The following SGCZ variants were observed in gnomAD, a reference collection of about 807,000 sequenced individuals.
SGCZ encodes the protein sarcoglycan zeta, also known as zeta-sarcoglycan.
Under a neutral mutation model 41.3 loss-of-function variants are expected in SGCZ, and 40 were observed. The observed-to-expected ratio is 0.97, with a 90% CI of 0.75 to 1.26. The LOEUF (loss-of-function observed/expected upper bound fraction) is 1.26. Among genes scored for constraint, SGCZ ranks in the 50% most tolerant of loss-of-function variants. SGCZ has a pLI of 0.00. For missense variants in SGCZ, 552 were observed against 369.8 expected (o/e 1.49, Z -4.04); for synonymous variants, 206 against 137.5 (o/e 1.50, Z -3.49).
At chr8:15,188,880 T>A (rs1230106840) in intron 1 of SGCZ, among the ~76,000 whole-genome samples, 1 of 151,916 alleles carries the variant, frequency 6.6e-6, no homozygotes, top group East Asian at 1.9e-4. Flanking sequence ...GAAAAGAGTG[T>A]GGGAGGAAAA....
chr8:14,525,743 T>A (rs1802928268), intron 2 of SGCZ, among the ~76,000 whole-genome samples: 1 of 152,120 alleles, frequency 6.6e-6, no homozygotes, highest in Non-Finnish European at 1.5e-5. Context: ...GTTAAGCAGA[T>A]CAATCACTGT....
chr8:15,051,869 G>C (rs1317062650), intron 1 of SGCZ, among the ~76,000 whole-genome samples: 1 of 152,186 alleles, frequency 6.6e-6, no homozygotes, highest in Non-Finnish European at 1.5e-5. Context: ...ATTTGAGCTG[G>C]AAGGATAGGA....
At chr8:14,100,682 C>A (rs910976040) in intron 7 of SGCZ, among the ~76,000 whole-genome samples, 4 of 150,130 alleles carry the variant, frequency 2.7e-5, no homozygotes, top group African/African-American at 7.3e-5. Flanking sequence ...TATCTGCTAA[C>A]ACTCTAATAT....
At chr8:14,093,524 C>T (rs936450099) in intron 7 of SGCZ, among the ~76,000 whole-genome samples, 2 of 152,020 alleles carry the variant, frequency 1.3e-5, no homozygotes, top group African/African-American at 4.8e-5. Context: ...GCACTATGGC[C>T]TCATAGTATT....
At chr8:14,686,420 G>T (rs928256372) in intron 1 of SGCZ, among the ~76,000 whole-genome samples, 3 of 152,198 alleles carry the variant, frequency 2.0e-5, no homozygotes, top group Middle Eastern at 3.4e-3. Context: ...ACAATTAGGA[G>T]ATTGTTTCAA....
intron 1 of SGCZ, among the ~76,000 whole-genome samples, chr8:14,731,954 T>C (rs1798867114): frequency 6.6e-6 from 1 of 152,216 alleles, no homozygotes; most frequent in African/African-American, 2.4e-5. Context: ...TTCCAGTCGA[T>C]ACCATTAATG....
In SGCZ at chr8:15,064,939, G is replaced by A. The variant is rs76560690; in HGVS notation, c.39+172646C>T. Among the ~76,000 whole-genome samples, 8 of 152,150 alleles carry A rather than the reference G, an allele frequency of 5.3e-5. No individual in the cohort carries two copies. The South Asian group carries it at 1.5e-3, about 28-fold the overall frequency. On this transcript the variant is annotated intron_variant, in intron 1 of 7. Transcript: ENST00000382080. ...ACTATGTCTACTTGACATCAGTTGC[G>A]GTTTACACCATCTTCATTTTTTCCT... is the stretch of plus-strand genomic sequence containing the variant.
chr8:14,532,730 A>C (rs1240142443), intron 2 of SGCZ, among the ~76,000 whole-genome samples: 1 of 118,556 alleles, frequency 8.4e-6, no homozygotes, highest in Admixed American at 9.2e-5. Context: ...GGCGGGGGGG[A>C]GGAGGGTGTT....
At chr8:14,465,897 T>TACA (rs1801034969) in intron 2 of SGCZ, among the ~76,000 whole-genome samples, 1 of 151,884 alleles carries the variant, frequency 6.6e-6, no homozygotes, top group Non-Finnish European at 1.5e-5. Flanking sequence ...AAACAAAATG[T>TACA]AAGTTACAAC....
At chr8:14,528,117 T>C (rs1280649496) in intron 2 of SGCZ, among the ~76,000 whole-genome samples, 1 of 152,108 alleles carries the variant, frequency 6.6e-6, no homozygotes. Context: ...ATAATACTTC[T>C]GTTTAGAGTC....
intron 1 of SGCZ, among the ~76,000 whole-genome samples, chr8:15,201,239 A>G (rs1194637976): frequency 2.0e-5 from 3 of 152,044 alleles, no homozygotes; most frequent in Non-Finnish European, 4.4e-5. Flanking sequence ...CTGGTCTCGA[A>G]CTCCTGACCT....
At chr8:14,462,098 A>C (rs1585547260) in intron 2 of SGCZ, among the ~76,000 whole-genome samples, 1 of 152,200 alleles carries the variant, frequency 6.6e-6, no homozygotes, top group Non-Finnish European at 1.5e-5. Context: ...TATATTATCC[A>C]GAATAATTGA....
At chr8:14,766,148 A>G (rs1439509066) in intron 1 of SGCZ, among the ~76,000 whole-genome samples, 1 of 151,634 alleles carries the variant, frequency 6.6e-6, no homozygotes, top group Non-Finnish European at 1.5e-5. Flanking sequence ...TTTAGTAGAG[A>G]CGGGTTTCAC....
Position 15,092,615 on chromosome 8 carries a change from G to A in SGCZ, c.39+144970C>T, listed in dbSNP as rs138205391. Among the ~76,000 whole-genome samples the A allele has an allele frequency of 3.2e-3, 489 of 152,250 alleles. 2 individuals are homozygous for A. The highest frequency in any genetic ancestry group is 0.011 in the African/African-American group (475 of 41,550). ...ATATTAACATCTGGATACTTCAGAT[G>A]TAAGAGAAAACAACTGTCAATTTTA... On this transcript the variant is annotated intron_variant, in intron 1 of 7. Transcript: ENST00000382080.
chr8:14,376,297 C>T (rs752425836), intron 2 of SGCZ, among the ~76,000 whole-genome samples: 45 of 151,040 alleles, frequency 3.0e-4, no homozygotes, highest in East Asian at 1.9e-4. Context: ...GGCAACAGAG[C>T]GGGACTCAAT....
At chr8:14,198,423 T>C (rs1023182397) in intron 4 of SGCZ, among the ~76,000 whole-genome samples, 4 of 152,062 alleles carry the variant, frequency 2.6e-5, no homozygotes, top group African/African-American at 9.7e-5. Flanking sequence ...AAAGGAACAA[T>C]GGACATTAGG....
intron 4 of SGCZ, among the ~76,000 whole-genome samples, chr8:14,232,566 C>T (rs1806609848): frequency 1.3e-5 from 2 of 151,800 alleles, no homozygotes; most frequent in Non-Finnish European, 2.9e-5. Context: ...GATTTTTATA[C>T]AATTTGGTTA....
chr8:14,183,177 A>T (rs1046299707), intron 4 of SGCZ, among the ~76,000 whole-genome samples: 2 of 152,168 alleles, frequency 1.3e-5, no homozygotes, highest in African/African-American at 4.8e-5. Context: ...AATTTTGTTG[A>T]CATGAGTAGA....
intron 2 of SGCZ, chr8:14,332,508 G>C (rs947233974): frequency 1.1e-4 from 17 of 151,948 alleles, no homozygotes; most frequent in African/African-American, 3.6e-4. Context: ...TAGGATCATA[G>C]TGGCCTATGA....
Sources: allele counts gnomAD v4.1 joint callset (sites outside exome capture counted in the v4.1 genomes callset), GRCh38; gene constraint gnomAD v4.1.1; transcripts MANE v1.5; gene names NCBI Gene and HGNC (gene_info 2026-07-23, HGNC 2026-07-21).